CHSY3: variants seen among roughly 807,000 people sequenced by gnomAD.
CHSY3 encodes N-acetylgalactosaminyl-proteoglycan 3-beta-glucuronosyltransferase 3.
A neutral mutation model predicts 67.2 loss-of-function variants in CHSY3; 35 were observed. That is an observed-to-expected ratio of 0.52 (90% CI 0.40 to 0.69). CHSY3 has a LOEUF of 0.69. CHSY3 is among the 30% of genes least tolerant of loss of function. The probability of loss-of-function intolerance (pLI) is 0.00; values close to 1 mark genes in which losing one functional copy is unlikely to be tolerated. For missense variants in CHSY3, 1,069 were observed against 1,138.5 expected (o/e 0.94, Z 0.88); for synonymous variants, 474 against 434.7 (o/e 1.09, Z -1.12).
At chr5:130,182,358 C>T (rs1298303342) in intron 2 of CHSY3, among the ~76,000 whole-genome samples, 2 of 151,592 alleles carry the variant, frequency 1.3e-5, no homozygotes, top group Non-Finnish European at 2.9e-5. Context: ...TCCTTTTTTC[C>T]TTATTTGTAT....
intron 2 of CHSY3, among the ~76,000 whole-genome samples, chr5:130,017,069 G>A (rs1158772628): frequency 1.3e-5 from 2 of 152,092 alleles, no homozygotes; most frequent in African/African-American, 4.8e-5. Flanking sequence ...GCAAAGCCGT[G>A]GGAATTGAAA....
chr5:130,028,560 A>G (rs951826327), intron 2 of CHSY3, among the ~76,000 whole-genome samples: 1 of 152,166 alleles, frequency 6.6e-6, no homozygotes, highest in Non-Finnish European at 1.5e-5. Context: ...TAAGCATCCA[A>G]CATGTCACCT....
chr5:129,965,861 A>T (rs1341174520), intron 2 of CHSY3, among the ~76,000 whole-genome samples: 2 of 151,884 alleles, frequency 1.3e-5, no homozygotes, highest in African/African-American at 4.8e-5. Context: ...ACTTGTTGGT[A>T]TAAAAACATT....
rs539320696 is a variant in CHSY3 at position 130,044,302 on chromosome 5, G to A, written c.1086+135942G>A. Among the ~76,000 whole-genome samples, 39 of 152,188 alleles carry A rather than the reference G, an allele frequency of 2.6e-4. No homozygotes were observed. In the South Asian group the frequency reaches 5.0e-3, roughly 19 times the overall value. ...AGAGCGGAGTGTTTCAAGAAGGGGA[G>A]AGGAGGTCAGCTGCATCATCTGTGG... is the stretch of plus-strand genomic sequence containing the variant. On this transcript the variant is annotated intron_variant, in intron 2 of 2. Transcript: ENST00000305031.
chr5:129,994,613 C>T (rs968449931), intron 2 of CHSY3, among the ~76,000 whole-genome samples: 4 of 151,990 alleles, frequency 2.6e-5, no homozygotes, highest in African/African-American at 9.7e-5. Flanking sequence ...TTTATTGTGG[C>T]ACTATTCGCA....
intron 2 of CHSY3, among the ~76,000 whole-genome samples, chr5:130,162,057 A>AGAAAGAAAG (rs1554087190): frequency 4.1e-5 from 5 of 122,988 alleles, no homozygotes; most frequent in Admixed American, 8.7e-5. Flanking sequence ...AAAAAAAAAA[A>AGAAAGAAAG]AAAGAAAGAA....
intron 2 of CHSY3, among the ~76,000 whole-genome samples, chr5:130,020,846 A>T (rs1192601216): frequency 2.0e-5 from 3 of 152,118 alleles, no homozygotes; most frequent in African/African-American, 4.8e-5. Flanking sequence ...ATCTGGGCTC[A>T]TGCTTGTCCT....
chr5:129,907,916 C>T (rs915491508), intron 1 of CHSY3, among the ~76,000 whole-genome samples, 161 bp from the exon 2 acceptor site: 1 of 152,088 alleles, frequency 6.6e-6, no homozygotes, highest in Non-Finnish European at 1.5e-5. Flanking sequence ...ATGAATTAGT[C>T]TTTTAAAAAT....
chr5:130,005,427 CAA>C (rs1487598018), intron 2 of CHSY3, among the ~76,000 whole-genome samples: 1 of 88,252 alleles, frequency 1.1e-5, no homozygotes, highest in Non-Finnish European at 2.3e-5. Context: ...CAAGACGAAA[CAA>C]CAAAAAAAAA....
intron 1 of CHSY3, among the ~76,000 whole-genome samples, chr5:129,907,095 T>C (rs1172763372): frequency 6.6e-6 from 1 of 152,228 alleles, no homozygotes; most frequent in Non-Finnish European, 1.5e-5. Flanking sequence ...CTTGGATATC[T>C]CAAAATTACA....
intron 2 of CHSY3, among the ~76,000 whole-genome samples, chr5:130,123,171 A>G (rs1248809243): frequency 6.6e-6 from 1 of 152,196 alleles, no homozygotes; most frequent in Non-Finnish European, 1.5e-5. Flanking sequence ...AGTTGCCACT[A>G]TGTAAAAAAT....
intron 2 of CHSY3, among the ~76,000 whole-genome samples, chr5:130,024,137 C>CAAAAAAAAAAAAAA (rs5871376): frequency 2.7e-5 from 3 of 110,028 alleles, no homozygotes; most frequent in East Asian, 5.2e-4. Flanking sequence ...GATTGATGGT[C>CAAAAAAAAAAAAAA]AAAAAAAAAA....
intron 2 of CHSY3, among the ~76,000 whole-genome samples, chr5:129,954,156 A>G (rs1762102123): frequency 6.6e-6 from 1 of 152,130 alleles, no homozygotes; most frequent in Non-Finnish European, 1.5e-5. Context: ...TAATTTCTGT[A>G]TAAGGTGTAA....
At chr5:130,046,540 A>G (rs1765155663) in intron 2 of CHSY3, among the ~76,000 whole-genome samples, 1 of 152,116 alleles carries the variant, frequency 6.6e-6, no homozygotes, top group African/African-American at 2.4e-5. Context: ...CTACAGAGAC[A>G]GATTTATTGT....
chr5:130,002,610 C>T (rs1763761737), intron 2 of CHSY3, among the ~76,000 whole-genome samples: 1 of 151,834 alleles, frequency 6.6e-6, no homozygotes, highest in Non-Finnish European at 1.5e-5. Flanking sequence ...GTAGGAGCCA[C>T]CAAGAGCAAA....
At chr5:130,030,116 G>A (rs1300350489) in intron 2 of CHSY3, among the ~76,000 whole-genome samples, 1 of 151,930 alleles carries the variant, frequency 6.6e-6, no homozygotes, top group Non-Finnish European at 1.5e-5. Flanking sequence ...CCTCTAGGTT[G>A]ATGGTATGCT....
chr5:129,948,902 A>G (rs1319986536), intron 2 of CHSY3, among the ~76,000 whole-genome samples: 2 of 152,142 alleles, frequency 1.3e-5, no homozygotes, highest in East Asian at 1.9e-4. Context: ...ATCAACTGGT[A>G]AATCTACTTG....
intron 2 of CHSY3, among the ~76,000 whole-genome samples, chr5:130,170,308 A>T (rs1168600366): frequency 1.3e-5 from 2 of 152,104 alleles, no homozygotes; most frequent in Non-Finnish European, 2.9e-5. Flanking sequence ...GCTGCAAAGG[A>T]CATGATTTCA....
At chr5:129,933,853 T>C (rs1196078960) in intron 2 of CHSY3, among the ~76,000 whole-genome samples, 2 of 152,138 alleles carry the variant, frequency 1.3e-5, no homozygotes, top group Non-Finnish European at 2.9e-5. Context: ...AAGTTGTACC[T>C]AGCATTTAAT....
Sources: gnomAD v4.1 joint callset for allele counts (sites outside exome capture counted in the v4.1 genomes callset) on GRCh38, gnomAD v4.1.1 for gene constraint, MANE v1.5 for transcripts, NCBI Gene and HGNC (gene_info 2026-07-23, HGNC 2026-07-21) for gene names.